OCRL: variants seen among roughly 807,000 people sequenced by gnomAD.
The protein encoded by OCRL is OCRL inositol polyphosphate-5-phosphatase.
A neutral mutation model predicts 78.9 loss-of-function variants in OCRL; 8 were observed. That is an observed-to-expected ratio of 0.10 (90% CI 0.06 to 0.18). The LOEUF (loss-of-function observed/expected upper bound fraction) is 0.18, where lower values mean the gene tolerates loss of function less well. Ranked by LOEUF, OCRL falls within the 10% of genes least tolerant of loss-of-function variation. OCRL has a pLI of 1.00. For missense variants in OCRL, 454 were observed against 696.7 expected (o/e 0.65, Z 3.92); for synonymous variants, 240 against 235.4 (o/e 1.02, Z -0.18).
At chrX:129,544,836 G>A in intron 2 of OCRL, 122 bp from the exon 3 acceptor site, 1 of 523,391 alleles carries the variant, frequency 1.9e-6, no homozygotes, top group Non-Finnish European at 3.4e-6. Context: ...CTCAGATCCA[G>A]GGAACTAGAT....
At chrX:129,572,407 T>TC (rs1936313544) in intron 15 of OCRL, among the ~76,000 whole-genome samples, 2 of 112,861 alleles carry the variant, frequency 1.8e-5, no homozygotes, top group African/African-American at 6.4e-5. Context: ...TCTTTGGGGT[T>TC]CCCCCCCTCC....
At chrX:129,589,549 A>G (rs980786717) in intron 22 of OCRL, 15 of 352,638 alleles carry the variant, frequency 4.3e-5, no homozygotes, top group East Asian at 3.7e-4. Context: ...GCCTACGGAA[A>G]TGGGAAAAGA....
intron 19 of OCRL, 60 bp downstream of exon 19, chrX:129,584,427 G>T: frequency 1.8e-6 from 2 of 1,095,059 alleles, no homozygotes; most frequent in Non-Finnish European, 2.5e-6. Context: ...ACTTAACTGT[G>T]GTCCCTGGAA....
intron 4 of OCRL, among the ~76,000 whole-genome samples, chrX:129,556,220 C>T (rs1936047444): frequency 8.9e-6 from 1 of 112,130 alleles, no homozygotes; most frequent in African/African-American, 3.2e-5. Context: ...GTTATTTACA[C>T]GTGGTAAAGA....
chrX:129,544,851 C>G (rs1025264091), intron 2 of OCRL, 107 bp from the exon 3 acceptor site: 5 of 543,299 alleles, frequency 9.2e-6, no homozygotes. Context: ...CTAGATGCAG[C>G]AAGTCTAGTA....
At chrX:129,582,145 C>G (rs961490913) in intron 18 of OCRL, among the ~76,000 whole-genome samples, 1 of 110,819 alleles carries the variant, frequency 9.0e-6, no homozygotes, top group Non-Finnish European at 1.9e-5. Context: ...TTGTGATTTA[C>G]TGTCTCTGTG....
intron 15 of OCRL, among the ~76,000 whole-genome samples, chrX:129,573,168 C>G (rs1043192688): frequency 1.8e-5 from 2 of 111,634 alleles, no homozygotes; most frequent in African/African-American, 6.5e-5. Context: ...AAAAACTTCC[C>G]CAGTCTGAGA....
In OCRL at chrX:129,562,733, G is replaced by C. The variant is rs1397121571; in HGVS notation, c.1191G>C (p.Met397Ile). Reference sequence around the variant, plus strand: ...ATTATAAGGACATTTGTGCGAGAATGAGTTTTGTGGTCCCAAATCAGACCC... The same window carrying C: ...ATTATAAGGACATTTGTGCGAGAATCAGTTTTGTGGTCCCAAATCAGACCC... ...NQDYKDICARMSFVVPNQTLP... is the reference protein window; with the variant it reads ...NQDYKDICARISFVVPNQTLP... The change falls in exon 12 of 24, where the codon ATG (methionine) becomes ATC (isoleucine). Residue 397 changes from methionine (M) to isoleucine (I), a missense_variant. Coordinates refer to ENST00000371113, the MANE Select transcript of OCRL (RefSeq NM_000276.4). 8.3e-7 allele frequency: 1 copy of C among 1,211,682 alleles called. No homozygotes were observed.
chrX:129,541,513 G>A (rs965164858), intron 2 of OCRL, among the ~76,000 whole-genome samples: 1 of 112,094 alleles, frequency 8.9e-6, no homozygotes, highest in South Asian at 3.8e-4. Context: ...ACTGTTGACT[G>A]ATTGATCAAA....
rs767451928 is a variant in OCRL at position 129,590,925 on chromosome X, A to G, written c.*655A>G. 358 of 116,118 alleles carry G rather than the reference A, an allele frequency of 3.1e-3. 2 individuals carry two copies. Among genetic ancestry groups the G allele is most frequent in the African/African-American group, 0.011 (342 of 30,816 alleles). The allele number at this position is 116,118 out of a possible 1,213,427, so 9.6% of individuals were successfully genotyped here. A position where few individuals can be genotyped will look rare whatever the true frequency, so the allele number is the denominator to read the frequency against. ...GTGGAACCATATTCTCTTAGATCAC[A>G]TTTAGTAGCATAACTGTAGGGACTA... On this transcript the variant is annotated 3_prime_UTR_variant, in exon 24 of 24. Coordinates refer to ENST00000371113, the MANE Select transcript of OCRL (RefSeq NM_000276.4).
chrX:129,583,684 A>G (rs893264352), intron 18 of OCRL, among the ~76,000 whole-genome samples: 1 of 111,651 alleles, frequency 9.0e-6, no homozygotes, highest in South Asian at 3.8e-4. Flanking sequence ...GATTAAAAAG[A>G]TACCTTCTTA....
intron 3 of OCRL, among the ~76,000 whole-genome samples, chrX:129,546,209 A>G (rs1935876524): frequency 8.9e-6 from 1 of 112,102 alleles, no homozygotes; most frequent in Non-Finnish European, 1.9e-5. Flanking sequence ...CTACACATAC[A>G]TTGCAGGGTG....
At chrX:129,575,304 A>G in intron 16 of OCRL, 54 bp downstream of exon 16, 1 of 812,571 alleles carries the variant, frequency 1.2e-6, no homozygotes, top group Non-Finnish European at 1.8e-6. Flanking sequence ...TTAGCACAGA[A>G]GAAACTGCTA....
At chrX:129,570,007 C>T (rs1936278825) in intron 15 of OCRL, among the ~76,000 whole-genome samples, 1 of 109,871 alleles carries the variant, frequency 9.1e-6, no homozygotes, top group Non-Finnish European at 1.9e-5. Context: ...CCGTGCCCAG[C>T]GAATTTTTTT....
At chrX:129,542,496 T>C (rs979291106) in intron 2 of OCRL, among the ~76,000 whole-genome samples, 2 of 110,954 alleles carry the variant, frequency 1.8e-5, no homozygotes, top group Non-Finnish European at 3.8e-5. Context: ...ACAACTAATA[T>C]AGTTGTTGCT....
chrX:129,560,922 A>G (rs1461424473), intron 9 of OCRL, among the ~76,000 whole-genome samples: 2 of 112,801 alleles, frequency 1.8e-5, no homozygotes, highest in African/African-American at 6.4e-5. Context: ...TTCCTAGGAT[A>G]TAAGAGCAAA....
rs187465890 is a variant in OCRL at position 129,559,207 on chromosome X, T to G, written c.722+206T>G. Among the ~76,000 whole-genome samples, 26 of 111,688 alleles carry G rather than the reference T, an allele frequency of 2.3e-4. No individual in the cohort carries two copies. The East Asian group carries it at 6.2e-3, about 27-fold the overall frequency. On this transcript the variant is annotated intron_variant, in intron 8 of 23. Transcript: ENST00000371113. ...GCTACAGTTTCCCTTGGATTTTCTT[T>G]TTTTGTGTGTGTGGGTCAGGGTCTC...
At chrX:129,542,382 A>G (rs187700311) in intron 2 of OCRL, among the ~76,000 whole-genome samples, 119 of 107,227 alleles carry the variant, frequency 1.1e-3, no homozygotes, top group African/African-American at 4.3e-3. Context: ...TTGTTGCTAT[A>G]TTAGCAGTTT....
At chrX:129,575,805 T>C in intron 16 of OCRL, 92 bp from the exon 17 acceptor site, 1 of 1,052,723 alleles carries the variant, frequency 9.5e-7, no homozygotes, top group Non-Finnish European at 1.3e-6. Context: ...TGCTTAACAA[T>C]TACCTTACTC....
Sources: gnomAD v4.1 joint callset for allele counts (sites outside exome capture counted in the v4.1 genomes callset) on GRCh38, gnomAD v4.1.1 for gene constraint, MANE v1.5 for transcripts, NCBI Gene and HGNC (gene_info 2026-07-23, HGNC 2026-07-21) for gene names.